The following NAT1 variants were observed in gnomAD, a reference collection of about 807,000 sequenced individuals.
The protein encoded by NAT1 is arylamine N-acetyltransferase 1.
For synonymous variants in NAT1, 144 were observed against 122.6 expected, an observed-to-expected ratio of 1.17 and a Z score of -1.16; for missense variants, 400 against 339.2, an observed-to-expected ratio of 1.18 and a Z score of -1.41.
chr8:18,185,415 A>C (rs1802693577), intron 2 of NAT1, among the ~76,000 whole-genome samples: 1 of 152,070 alleles, frequency 6.6e-6, no homozygotes, highest in African/African-American at 2.4e-5. Context: ...AGTTTACCAA[A>C]ATTTTCAAAC....
chr8:18,187,936 AACACACACAC>A (rs35203470), intron 2 of NAT1, among the ~76,000 whole-genome samples: 172 of 137,498 alleles, frequency 1.3e-3, no homozygotes, highest in South Asian at 5.6e-3. Flanking sequence ...TTGTATCTTA[AACACACACAC>A]ACACACACAC....
chr8:18,188,994 C>CAAAAAAAAAAAA (rs55636901), intron 2 of NAT1, among the ~76,000 whole-genome samples: 19 of 83,060 alleles, frequency 2.3e-4, no homozygotes, highest in Admixed American at 3.4e-4. Context: ...GACTCCGACT[C>CAAAAAAAAAAAA]AAAAAAAAAA....
At chr8:18,196,516 G>T (rs968703364) in intron 2 of NAT1, among the ~76,000 whole-genome samples, 17 of 152,172 alleles carry the variant, frequency 1.1e-4, no homozygotes, top group Admixed American at 3.3e-4. Context: ...TGCTTTATAG[G>T]ACCTTAAACT....
chr8:18,209,625 C>T (rs1803892473), upstream of NAT1, among the ~76,000 whole-genome samples: 1 of 152,150 alleles, frequency 6.6e-6, no homozygotes, highest in South Asian at 2.1e-4. Context: ...GACACATTGC[C>T]CAGTGCCTTC....
chr8:18,184,967 C>G (rs746334573), intron 2 of NAT1, among the ~76,000 whole-genome samples: 19 of 152,152 alleles, frequency 1.2e-4, no homozygotes, highest in Non-Finnish European at 2.4e-4. Context: ...ATAAATTCAA[C>G]TTGGTTGTGG....
intron 1 of NAT1, 123 bp from the exon 2 acceptor site, chr8:18,219,288 A>T (rs1805033893): frequency 1.5e-6 from 1 of 649,554 alleles, no homozygotes; most frequent in Admixed American, 2.8e-5. Flanking sequence ...TTTACTGTGC[A>T]GTCCATTCCC....
At chr8:18,172,864 T>C (rs1018714495) in intron 2 of NAT1, among the ~76,000 whole-genome samples, 16 of 152,136 alleles carry the variant, frequency 1.1e-4, no homozygotes, top group African/African-American at 3.9e-4. Context: ...CTTGAGTGGA[T>C]GCTTCAAGGT....
intron 2 of NAT1, among the ~76,000 whole-genome samples, chr8:18,193,903 A>C (rs1358123958): frequency 1.3e-5 from 2 of 152,044 alleles, no homozygotes; most frequent in Non-Finnish European, 2.9e-5. Context: ...GGCCTCCCAA[A>C]GTGCTGGGAT....
At chr8:18,183,511 A>T (rs1802605157) in intron 2 of NAT1, among the ~76,000 whole-genome samples, 1 of 152,228 alleles carries the variant, frequency 6.6e-6, no homozygotes, top group African/African-American at 2.4e-5. Flanking sequence ...AGCCGGCAGA[A>T]GAAGTTCCTT....
intron 2 of NAT1, among the ~76,000 whole-genome samples, chr8:18,198,258 A>C (rs1803315688): frequency 6.6e-6 from 1 of 152,194 alleles, no homozygotes; most frequent in Admixed American, 6.5e-5. Flanking sequence ...CTGAAAGCAT[A>C]AATTTTGATG....
upstream of NAT1, among the ~76,000 whole-genome samples, chr8:18,207,935 A>G (rs558337158): frequency 5.6e-4 from 85 of 152,376 alleles, 1 homozygote; most frequent in Admixed American, 2.8e-3. Context: ...CTATGCAGCC[A>G]TAAAAAGGAA....
chr8:18,215,443 G>T (rs1259727134), intron 1 of NAT1, among the ~76,000 whole-genome samples: 1 of 152,062 alleles, frequency 6.6e-6, no homozygotes, highest in South Asian at 2.1e-4. Flanking sequence ...GTATCTATAT[G>T]GTTCCTTTCT....
upstream of NAT1, among the ~76,000 whole-genome samples, chr8:18,207,593 G>A (rs1429078522): frequency 6.6e-6 from 1 of 152,106 alleles, no homozygotes; most frequent in South Asian, 2.1e-4. Flanking sequence ...TCAGAATGGC[G>A]GTTATTAAAA....
chr8:18,218,293 A>AT (rs927598891), intron 1 of NAT1, among the ~76,000 whole-genome samples: 1 of 152,156 alleles, frequency 6.6e-6, no homozygotes, highest in African/African-American at 2.4e-5. Flanking sequence ...TCACGTTTTG[A>AT]TGAAAAAAAG....
rs113146833 is a variant in NAT1 at position 18,177,260 on chromosome 8, C to T, written n.92+6521C>T. On this transcript the variant is annotated intron_variant and non_coding_transcript_variant, in intron 2 of 4. Coordinates refer to the NAT1 transcript ENST00000517441. ...CCTCTTTTACCTATCCCACTATATT[C>T]CAAGAATAGTAAATATTAAAAGACA... Among the ~76,000 whole-genome samples, 1,410 of 151,992 alleles carry T rather than the reference C, an allele frequency of 9.3e-3. 33 individuals carry two copies. Among genetic ancestry groups the T allele is most frequent in the African/African-American group, 0.032 (1,341 of 41,446 alleles).
chr8:18,213,136 T>A (rs1804275863), intron 1 of NAT1, among the ~76,000 whole-genome samples: 1 of 151,266 alleles, frequency 6.6e-6, no homozygotes, highest in Admixed American at 6.6e-5. Flanking sequence ...GGTCTCGAAC[T>A]CCTGACCTCA....
rs1302880636 is a variant in NAT1 at position 18,181,535 on chromosome 8, T to G, written n.92+10796T>G. On this transcript the variant is annotated intron_variant and non_coding_transcript_variant, in intron 2 of 4. Coordinates refer to the NAT1 transcript ENST00000517441. The stretch of plus-strand genomic sequence containing the variant: ...AACAGGGATAATCTGACTTCTTTCT[T>G]TCCAGTTGAGATGCCCTTTATTTCT... 2.0e-5 allele frequency among the ~76,000 whole-genome samples: 3 copies of G among 152,190 alleles called. No homozygotes were observed. In the East Asian group the frequency reaches 5.8e-4, roughly 29 times the overall value.
chr8:18,222,584 T>A lies in NAT1; in HGVS notation c.537T>A (p.Asp179Glu), dbSNP rs1022148954. Residue 179 changes from aspartate (D) to glutamate (E), a missense_variant, in exon 3 of 3, where the codon GAT becomes GAA. Transcript: ENST00000307719. ...CAAATGAAGAATTTCTTCATTCTGA[T>A]CTCCTAGAAGACAGCAAATACCGAA... is the stretch of plus-strand genomic sequence containing the variant. ...YIPNEEFLHS[D>E]LLEDSKYRKI... 1 of 1,613,932 alleles carries A rather than the reference T, an allele frequency of 6.2e-7. No individual in the cohort carries two copies. The highest frequency in any genetic ancestry group is 1.7e-5 in the Admixed American group (1 of 59,984).
At chr8:18,205,063 G>A (rs1803649196) in intron 2 of NAT1, among the ~76,000 whole-genome samples, 1 of 152,156 alleles carries the variant, frequency 6.6e-6, no homozygotes, top group African/African-American at 2.4e-5. Context: ...GAGGGGGGTC[G>A]AGGTACTCCC....
Sources: allele counts gnomAD v4.1 joint callset (sites outside exome capture counted in the v4.1 genomes callset), GRCh38; gene constraint gnomAD v4.1.1; transcripts MANE v1.5; gene names NCBI Gene and HGNC (gene_info 2026-07-23, HGNC 2026-07-21).